The following LRRC7 variants were observed in gnomAD, a reference collection of about 807,000 sequenced individuals.
The protein encoded by LRRC7 is leucine-rich repeat-containing protein 7.
In LRRC7, 23 loss-of-function variants were observed where a neutral mutation model predicts 175.7. The observed-to-expected ratio is 0.13, with a 90% CI of 0.09 to 0.19. The LOEUF (loss-of-function observed/expected upper bound fraction) is 0.19, where lower values mean the gene tolerates loss of function less well. Among genes scored for constraint, LRRC7 ranks in the 10% least tolerant of loss-of-function variants. LRRC7 has a pLI of 1.00. For synonymous variants in LRRC7, 685 were observed against 680.9 expected (o/e 1.01, Z -0.09); for missense variants, 1,354 against 1,904.7 (o/e 0.71, Z 5.38).
intron 3 of LRRC7, among the ~76,000 whole-genome samples, chr1:69,761,161 A>T (rs1413762214): frequency 6.6e-6 from 1 of 152,050 alleles, no homozygotes; most frequent in African/African-American, 2.4e-5. Context: ...CCTAACAGTC[A>T]CCTAAGTAAG....
chr1:69,659,495 A>G (rs1333644469), intron 1 of LRRC7, among the ~76,000 whole-genome samples: 1 of 151,574 alleles, frequency 6.6e-6, no homozygotes, highest in Non-Finnish European at 1.5e-5. Context: ...AAAAACAAAC[A>G]AGACCTTAAA....
At chr1:69,915,503 A>G (rs1381788786) in intron 7 of LRRC7, among the ~76,000 whole-genome samples, 1 of 152,094 alleles carries the variant, frequency 6.6e-6, no homozygotes, top group Non-Finnish European at 1.5e-5. Flanking sequence ...TGCAGGAAAC[A>G]AAGAAAGAAA....
chr1:69,940,452 G>C (rs897223018), intron 8 of LRRC7, among the ~76,000 whole-genome samples: 16 of 151,964 alleles, frequency 1.1e-4, no homozygotes, highest in Non-Finnish European at 1.8e-4. Flanking sequence ...TTCTGAGAAC[G>C]GCATGTATCT....
intron 2 of LRRC7, among the ~76,000 whole-genome samples, chr1:69,748,913 T>A (rs1006697742): frequency 1.3e-5 from 2 of 152,184 alleles, no homozygotes; most frequent in Non-Finnish European, 2.9e-5. Flanking sequence ...GGTTATTACC[T>A]TATGAAAGTT....
chr1:69,682,845 G>A (rs1236256508), intron 2 of LRRC7, among the ~76,000 whole-genome samples: 1 of 152,068 alleles, frequency 6.6e-6, no homozygotes, highest in Non-Finnish European at 1.5e-5. Context: ...TTACTCTTTT[G>A]CATGCTCAAC....
rs1301122520 is a variant in LRRC7 at position 70,023,227 on chromosome 1, TCAG to T, written c.1651_1653del (p.Gln551del). The T allele has an allele frequency of 6.2e-7, 1 of 1,612,146 alleles. No individual in the cohort carries two copies. The highest frequency in any genetic ancestry group is 8.5e-7 in the Non-Finnish European group (1 of 1,178,914). On this transcript the variant is annotated inframe_deletion, in exon 17 of 27. Transcript: ENST00000651989. ...GCTGCACACCATGGGCCAGGTGTGA[TCAG>T]CAGATCCAAGATATGCCCGTCCCCC...
Position 70,038,966 on chromosome 1 carries a change from T to A in LRRC7, c.3142T>A (p.Tyr1048Asn). The A allele has an allele frequency of 3.7e-6, 6 of 1,613,982 alleles. No individual in the cohort carries two copies. The highest frequency in any genetic ancestry group is 5.1e-6 in the Non-Finnish European group (6 of 1,179,990). ...VPMLDDEMLT[Y>N]GSSKGPQQQK... ...AATGCTGGATGATGAGATGCTCACCTACGGAAGTAGTAAGGGGCCACAACA... is the reference window on the plus strand; with the variant it reads ...AATGCTGGATGATGAGATGCTCACCAACGGAAGTAGTAAGGGGCCACAACA... Residue 1048 changes from tyrosine (Y) to asparagine (N), a missense_variant, in exon 21 of 27, where the codon TAC becomes AAC. Coordinates refer to ENST00000651989, the MANE Select transcript of LRRC7 (RefSeq NM_001370785.2).
chr1:69,757,648 T>C (rs898235546), intron 2 of LRRC7, among the ~76,000 whole-genome samples: 7 of 151,944 alleles, frequency 4.6e-5, no homozygotes, highest in Non-Finnish European at 1.0e-4. Flanking sequence ...ATGGTTTAGG[T>C]TCAGGCCTGG....
chr1:69,795,005 A>C (rs1051790401), intron 4 of LRRC7, among the ~76,000 whole-genome samples: 1 of 152,220 alleles, frequency 6.6e-6, no homozygotes, highest in Admixed American at 6.5e-5. Context: ...AGGCTTGATG[A>C]GTATAATGAT....
intron 4 of LRRC7, among the ~76,000 whole-genome samples, chr1:69,800,681 A>C (rs1172900121): frequency 2.6e-5 from 4 of 151,968 alleles, no homozygotes. Flanking sequence ...CATCAATAGT[A>C]AACAGAGATC....
chr1:69,806,510 A>G (rs1462940853), intron 4 of LRRC7, among the ~76,000 whole-genome samples: 1 of 151,982 alleles, frequency 6.6e-6, no homozygotes, highest in African/African-American at 2.4e-5. Context: ...TTACAATGCT[A>G]CTAAAATAGG....
intron 8 of LRRC7, among the ~76,000 whole-genome samples, chr1:69,951,831 T>C (rs942276995): frequency 6.6e-6 from 1 of 151,940 alleles, no homozygotes; most frequent in Non-Finnish European, 1.5e-5. Flanking sequence ...AGATAACTGT[T>C]GGGTACCAGG....
intron 4 of LRRC7, among the ~76,000 whole-genome samples, chr1:69,819,577 C>CTGTGTGTG (rs71071379): frequency 0.043 from 4,970 of 114,798 alleles, 141 homozygotes; most frequent in Non-Finnish European, 0.066. Flanking sequence ...CTCTCTCTCT[C>CTGTGTGTG]TGTGTGTGTG....
chr1:69,568,624 G>C lies in LRRC7; in HGVS notation c.-16G>C. ...TACGCTCTCCGAAACCTCATGGGCA[G>C]TTTCTCCCGCCGGCGATGTGAGTAA... On this transcript the variant is annotated 5_prime_UTR_variant, in exon 1 of 27. Transcript: ENST00000651989. 1 of 1,352,672 alleles carries C rather than the reference G, an allele frequency of 7.4e-7. No homozygotes were observed. Among genetic ancestry groups the C allele is most frequent in the Non-Finnish European group, 9.8e-7 (1 of 1,016,228 alleles). The allele number at this position is 1,352,672 out of a possible 1,614,324, so 83.8% of individuals were successfully genotyped here.
In LRRC7 at chr1:70,133,062, T is replaced by C. The variant is rs922740485; in HGVS notation, c.*11175T>C. Among the ~76,000 whole-genome samples the C allele has an allele frequency of 2.0e-5, 3 of 152,210 alleles. No homozygotes were observed. The highest frequency in any genetic ancestry group is 4.4e-5 in the Non-Finnish European group (3 of 68,032). On this transcript the variant is annotated 3_prime_UTR_variant, in exon 27 of 27. Coordinates refer to ENST00000651989, the MANE Select transcript of LRRC7 (RefSeq NM_001370785.2). ...AACTCTGACAAATACTATCCTCATA[T>C]TTAGTTGTACACATCCGCATACTCT...
In LRRC7 at chr1:69,746,832, A is replaced by G. The variant is rs537497417; in HGVS notation, c.101-13359A>G. Among the ~76,000 whole-genome samples, 4 of 152,256 alleles carry G rather than the reference A, an allele frequency of 2.6e-5. No individual in the cohort carries two copies. The South Asian group carries it at 8.3e-4, about 32-fold the overall frequency. Reference sequence around the variant, plus strand: ...ATTTTCTAGAGCTGCCATAACAAATACCACAAACTGGATGGCTTAAACAAC... The same window carrying G: ...ATTTTCTAGAGCTGCCATAACAAATGCCACAAACTGGATGGCTTAAACAAC... On this transcript the variant is annotated intron_variant, in intron 2 of 26. Transcript: ENST00000651989.
intron 1 of LRRC7, among the ~76,000 whole-genome samples, chr1:69,577,211 T>C (rs1645990256): frequency 6.6e-6 from 1 of 152,220 alleles, no homozygotes; most frequent in Admixed American, 6.5e-5. Context: ...TTAAGTTCCA[T>C]ATAAAAATCA....
chr1:69,916,383 C>A (rs1017072865), intron 7 of LRRC7, among the ~76,000 whole-genome samples: 1 of 147,816 alleles, frequency 6.8e-6, no homozygotes, highest in Non-Finnish European at 1.5e-5. Flanking sequence ...CCCAATATTT[C>A]TTTTATCATT....
chr1:69,845,069 G>A (rs529059326), intron 7 of LRRC7, among the ~76,000 whole-genome samples: 1 of 152,124 alleles, frequency 6.6e-6, no homozygotes, highest in African/African-American at 2.4e-5. Context: ...AGGCAACAGA[G>A]CGAGGCCCTG....
Sources: allele counts gnomAD v4.1 joint callset (sites outside exome capture counted in the v4.1 genomes callset), GRCh38; gene constraint gnomAD v4.1.1; transcripts MANE v1.5; gene names NCBI Gene and HGNC (gene_info 2026-07-23, HGNC 2026-07-21).